Variants in IQCH observed in about 807,000 individuals in gnomAD.
IQCH encodes the protein IQ domain-containing protein H.
IQCH carries 98 observed loss-of-function variants against 117.0 expected under a neutral mutation model. The ratio of observed to expected loss-of-function variants is 0.84; its 90% CI spans 0.71 to 0.99. The LOEUF is 0.99. Among genes scored for constraint, IQCH ranks in the 50% least tolerant of loss-of-function variants. The probability of loss-of-function intolerance (pLI) is 0.00; values close to 1 mark genes in which losing one functional copy is unlikely to be tolerated. For missense variants in IQCH, 1,102 were observed against 1,243.8 expected, an observed-to-expected ratio of 0.89 and a Z score of 1.72; for synonymous variants, 412 against 448.2, an observed-to-expected ratio of 0.92 and a Z score of 1.02.
intron 13 of IQCH, among the ~76,000 whole-genome samples, chr15:67,398,035 A>T (rs2140861265): frequency 6.6e-6 from 1 of 152,338 alleles, no homozygotes; most frequent in Non-Finnish European, 1.5e-5. Flanking sequence ...TGCAATCTTT[A>T]CAATACTATT....
intron 4 of IQCH, among the ~76,000 whole-genome samples, chr15:67,314,133 C>G (rs894871727): frequency 6.6e-6 from 1 of 152,144 alleles, no homozygotes; most frequent in Non-Finnish European, 1.5e-5. Context: ...CTACTACTTA[C>G]AATTCTGCCT....
rs1395679913 is a variant in IQCH at position 67,476,976 on chromosome 15, A to G, written c.2799+1158A>G. Among the ~76,000 whole-genome samples the G allele has an allele frequency of 6.7e-6, 1 of 150,226 alleles. No individual in the cohort carries two copies. Among genetic ancestry groups the G allele is most frequent in the Non-Finnish European group, 1.5e-5 (1 of 67,670 alleles). On this transcript the variant is annotated intron_variant, in intron 18 of 20. Transcript: ENST00000335894. This position sits in a 1 kb window ranked among gnomAD's most constrained non-coding sequence, Gnocchi z 4.1. ...TTCAGTTCTACATTTATTAACTTAT[A>G]TTCTTTATACTTGAGACCAGTACAA...
chr15:67,385,455 T>A lies in IQCH; in HGVS notation c.1456+436T>A, dbSNP rs754124969. On this transcript the variant is annotated intron_variant, in intron 11 of 20. Coordinates refer to ENST00000335894, the MANE Select transcript of IQCH (RefSeq NM_001031715.3). This position sits in a 1 kb window ranked among gnomAD's most constrained non-coding sequence, Gnocchi z 4.6. The stretch of plus-strand genomic sequence containing the variant: ...AAGAAGAAAAAGGGGAAAATTAAGA[T>A]AGATTTTTAAAAGAAGCTTTTATTT... 2.6e-5 allele frequency among the ~76,000 whole-genome samples: 4 copies of A among 152,210 alleles called. No individual in the cohort carries two copies. Among genetic ancestry groups the A allele is most frequent in the Non-Finnish European group, 5.9e-5 (4 of 68,038 alleles).
intron 4 of IQCH, among the ~76,000 whole-genome samples, chr15:67,296,407 G>A (rs187378838): frequency 1.3e-5 from 2 of 152,262 alleles, no homozygotes; most frequent in Admixed American, 6.5e-5. Context: ...CCTCAGAGCT[G>A]TTAGGAAGGA....
rs761002917 is a variant in IQCH, at chr15:67,465,151, G to A, written c.2530G>A (p.Ala844Thr). ...GGTGTGGGCAACCGGCCTTAACCTC[G>A]CATATAGTGACCAGCTGGCCCTGAC... Reference protein sequence around the residue: ...QQVWATGLNLAYSDQLALTQL... With the variant: ...QQVWATGLNLTYSDQLALTQL... Residue 844 changes from alanine (A) to threonine (T), a missense_variant, in exon 17 of 21, where the codon GCA becomes ACA. Physicochemically the swap from Ala to Thr is moderately conservative, Grantham distance 58. Transcript: ENST00000335894. This position sits in a 1 kb window ranked among gnomAD's most constrained non-coding sequence, Gnocchi z 5.9. The A allele has an allele frequency of 9.9e-6, 16 of 1,614,104 alleles. No homozygotes were observed. The highest frequency in any genetic ancestry group is 2.7e-5 in the African/African-American group (2 of 75,016).
At chr15:67,383,497 G>C (rs1441878009) in intron 10 of IQCH, among the ~76,000 whole-genome samples, 1 of 152,146 alleles carries the variant, frequency 6.6e-6, no homozygotes, top group African/African-American at 2.4e-5. Flanking sequence ...CTTTTGAAAG[G>C]CAATGCAGTC....
intron 4 of IQCH, among the ~76,000 whole-genome samples, chr15:67,300,124 C>A (rs1445171965): frequency 6.6e-6 from 1 of 152,052 alleles, no homozygotes; most frequent in Non-Finnish European, 1.5e-5. Flanking sequence ...GTTTTAATTA[C>A]TTACTTTTGC....
intron 5 of IQCH, among the ~76,000 whole-genome samples, chr15:67,340,440 A>C (rs1321810184): frequency 7.6e-6 from 1 of 131,962 alleles, no homozygotes; most frequent in African/African-American, 2.8e-5. Flanking sequence ...AAAAAAAAAA[A>C]AAAAAAAAAA....
At chr15:67,497,722 C>T (rs1262729981) in intron 20 of IQCH, among the ~76,000 whole-genome samples, 1 of 151,952 alleles carries the variant, frequency 6.6e-6, no homozygotes, top group East Asian at 1.9e-4. Flanking sequence ...GAACTCCTGA[C>T]CTCGTGATCC....
intron 3 of IQCH, among the ~76,000 whole-genome samples, chr15:67,275,381 C>T (rs1253214484): frequency 6.6e-6 from 1 of 151,950 alleles, no homozygotes; most frequent in Admixed American, 6.6e-5. Flanking sequence ...GGAGTTTTTT[C>T]CCTTCTCCAT....
intron 4 of IQCH, among the ~76,000 whole-genome samples, chr15:67,333,462 A>G (rs1404202001): frequency 1.3e-5 from 2 of 152,178 alleles, no homozygotes; most frequent in African/African-American, 4.8e-5. Flanking sequence ...TCCTCATGTA[A>G]AATTAATAAC....
At chr15:67,419,805 T>A (rs1451508645) in intron 15 of IQCH, among the ~76,000 whole-genome samples, 1 of 152,134 alleles carries the variant, frequency 6.6e-6, no homozygotes, top group Non-Finnish European at 1.5e-5. Context: ...AATTAATTGC[T>A]TTGAGTGGAA....
At chr15:67,286,406 A>G (rs759983292) in intron 4 of IQCH, among the ~76,000 whole-genome samples, 6 of 152,036 alleles carry the variant, frequency 3.9e-5, no homozygotes, top group African/African-American at 4.8e-5. Context: ...TTCATTTCCA[A>G]TTTGGATGCC....
intron 4 of IQCH, among the ~76,000 whole-genome samples, chr15:67,306,020 C>T (rs1055542602): frequency 6.6e-6 from 1 of 151,978 alleles, no homozygotes; most frequent in African/African-American, 2.4e-5. Context: ...AACTTGATGC[C>T]ATAAAAATCT....
chr15:67,346,131 GA>G (rs1969377397), intron 6 of IQCH, among the ~76,000 whole-genome samples: 1 of 151,976 alleles, frequency 6.6e-6, no homozygotes, highest in Non-Finnish European at 1.5e-5. Flanking sequence ...ATCAGATGAA[GA>G]CACATTAACA....
chr15:67,314,419 T>C (rs1967747978), intron 4 of IQCH, among the ~76,000 whole-genome samples: 1 of 150,564 alleles, frequency 6.6e-6, no homozygotes, highest in Admixed American at 6.6e-5. Flanking sequence ...CAAGAGACTA[T>C]CTTAATCCAA....
chr15:67,334,746 G>A (rs1354064009), intron 4 of IQCH, among the ~76,000 whole-genome samples: 1 of 152,138 alleles, frequency 6.6e-6, no homozygotes, highest in Non-Finnish European at 1.5e-5. Flanking sequence ...GCTGAGAGTC[G>A]CTGCAAAGCC....
At chr15:67,302,647 A>G (rs1967102306) in intron 4 of IQCH, among the ~76,000 whole-genome samples, 1 of 152,198 alleles carries the variant, frequency 6.6e-6, no homozygotes, top group African/African-American at 2.4e-5. Context: ...TCACGAGGTC[A>G]GGAGTTCGAG....
intron 4 of IQCH, 122 bp from the exon 5 acceptor site, chr15:67,336,853 T>C (rs940862052): frequency 2.0e-5 from 17 of 870,344 alleles, no homozygotes; most frequent in Non-Finnish European, 2.8e-5. Context: ...AAATTGGAGC[T>C]GATATTGCTA....
Sources: allele counts gnomAD v4.1 joint callset (sites outside exome capture counted in the v4.1 genomes callset), GRCh38; gene constraint gnomAD v4.1.1; non-coding constraint Gnocchi (gnomAD v3.1); transcripts MANE v1.5; gene names NCBI Gene and HGNC (gene_info 2026-07-23, HGNC 2026-07-21).